The following HHLA2 variants were observed in gnomAD, a reference collection of about 807,000 sequenced individuals.
The protein encoded by HHLA2 is HERV-H LTR-associating protein 2.
In HHLA2, 48 loss-of-function variants were observed where a neutral mutation model predicts 45.9. The ratio of observed to expected loss-of-function variants is 1.05; its 90% CI spans 0.83 to 1.33. The LOEUF is 1.33. Among genes scored for constraint, HHLA2 ranks in the 40% most tolerant of loss-of-function variants. HHLA2 has a pLI of 0.00. For synonymous variants in HHLA2, 161 were observed against 173.9 expected (o/e 0.93, Z 0.59); for missense variants, 462 against 494.3 (o/e 0.93, Z 0.62).
chr3:108,296,856 C>T (rs1380782300), intron 1 of HHLA2, among the ~76,000 whole-genome samples: 1 of 152,220 alleles, frequency 6.6e-6, no homozygotes, highest in Non-Finnish European at 1.5e-5. Flanking sequence ...AAATACCTAA[C>T]ATTCTGGTAA....
At position 108,327,930 on chromosome 3, in the gene HHLA2, C is replaced by T. The variant is rs369384337; in HGVS notation, c.-104-340C>T. On this transcript the variant is annotated intron_variant, in intron 2 of 10. Transcript: ENST00000619531. ...GGTAGATCACCTGAAGTCAGGAGTTCGAGACCAGCCTGGCCAACGTGGTGA... is the reference window on the plus strand; with the variant it reads ...GGTAGATCACCTGAAGTCAGGAGTTTGAGACCAGCCTGGCCAACGTGGTGA... Among the ~76,000 whole-genome samples the T allele has an allele frequency of 1.2e-4, 19 of 152,046 alleles. No individual in the cohort carries two copies. In the South Asian group the frequency reaches 3.7e-3, roughly 30 times the overall value.
chr3:108,348,539 G>A (rs1222358539), intron 3 of HHLA2, among the ~76,000 whole-genome samples: 5 of 152,098 alleles, frequency 3.3e-5, no homozygotes, highest in Admixed American at 6.6e-5. Flanking sequence ...TTTTTCTCAT[G>A]TTTCTAAGAT....
intron 8 of HHLA2, 87 bp downstream of exon 7, chr3:108,362,533 G>A: frequency 3.5e-6 from 3 of 847,788 alleles, no homozygotes; most frequent in Non-Finnish European, 5.6e-6. Context: ...AACAGCTACT[G>A]GGCATGTAAT....
In HHLA2 at chr3:108,375,629, C is replaced by A. The variant is rs938394556; in HGVS notation, c.1109-121C>A. On this transcript the variant is annotated intron_variant, in intron 8 of 10. Coordinates refer to ENST00000619531, the Ensembl canonical transcript of HHLA2. The stretch of plus-strand genomic sequence containing the variant: ...TGAAGGAGATAGACACACGAAAAAC[C>A]CTTCAAAGAACCAGAGAGTGACTTT... 11 of 1,258,434 alleles carry A rather than the reference C, an allele frequency of 8.7e-6. No individual in the cohort carries two copies. The East Asian group carries it at 2.9e-4, about 33-fold the overall frequency. 78.0% of individuals were successfully genotyped at this position (1,258,434 alleles called of 1,614,324 possible).
intron 8 of HHLA2, among the ~76,000 whole-genome samples, chr3:108,370,854 G>T (rs1470007306): frequency 1.3e-5 from 2 of 152,344 alleles, no homozygotes; most frequent in East Asian, 3.9e-4. Flanking sequence ...CGTCTGATTG[G>T]TGTACCTGAA....
exon 11 of HHLA2, chr3:108,377,309 C>T (rs1246639598): frequency 1.3e-6 from 2 of 1,548,378 alleles, no homozygotes; most frequent in African/African-American, 1.4e-5. Context: ...CAACTCATGA[C>T]CTGCATCCTT....
chr3:108,348,972 CT>C (rs1211169399), intron 3 of HHLA2, among the ~76,000 whole-genome samples: 2 of 151,990 alleles, frequency 1.3e-5, no homozygotes, highest in Non-Finnish European at 2.9e-5. Context: ...TGAACTCATC[CT>C]TTTTTATGGC....
At chr3:108,344,398 T>G (rs1433061780) in intron 3 of HHLA2, among the ~76,000 whole-genome samples, 1 of 152,236 alleles carries the variant, frequency 6.6e-6, no homozygotes, top group Non-Finnish European at 1.5e-5. Context: ...TTTTTTCATC[T>G]TTGTTGTGAC....
rs1251783404 is a variant in HHLA2, at chr3:108,315,319, G to T, written c.-105+4578G>T. Among the ~76,000 whole-genome samples the T allele has an allele frequency of 2.0e-5, 3 of 152,122 alleles. No individual in the cohort carries two copies. In the East Asian group the frequency reaches 5.8e-4, roughly 29 times the overall value. On this transcript the variant is annotated intron_variant, in intron 2 of 10. Coordinates refer to ENST00000619531, the Ensembl canonical transcript of HHLA2. ...AGAACCCTCAGATATGACCAAGATGGATCCTGTTCCATAGAATGGGAATTA... is the reference window on the plus strand; with the variant it reads ...AGAACCCTCAGATATGACCAAGATGTATCCTGTTCCATAGAATGGGAATTA...
chr3:108,332,580 C>T (rs1013773776), intron 3 of HHLA2, among the ~76,000 whole-genome samples: 1 of 152,160 alleles, frequency 6.6e-6, no homozygotes. Flanking sequence ...TAGACTCAAA[C>T]TGGAGTGTGT....
At chr3:108,337,071 A>T (rs1021730599) in intron 3 of HHLA2, among the ~76,000 whole-genome samples, 18 of 152,092 alleles carry the variant, frequency 1.2e-4, no homozygotes, top group African/African-American at 4.3e-4. Flanking sequence ...TACTATTCAA[A>T]GTGGGGGGTC....
rs67374827 is a variant in HHLA2, at chr3:108,321,091, TAAAAAA to T, written c.-104-7163_-104-7158del. On this transcript the variant is annotated intron_variant, in intron 2 of 10. Transcript: ENST00000619531. ...TCACCAGAACATTTCTCCAGGTGTT[TAAAAAA>T]AAAAAAAAAAAAAAAGACTGTGCCA... Among the ~76,000 whole-genome samples, 289 of 101,422 alleles carry T rather than the reference TAAAAAA, an allele frequency of 2.8e-3. 9 individuals carry two copies. The highest frequency in any genetic ancestry group is 5.3e-3 in the South Asian group (14 of 2,644). The allele number at this position is 101,422 out of a possible 152,430, so 66.5% of individuals were successfully genotyped here.
At chr3:108,315,780 T>C (rs2081092225) in intron 2 of HHLA2, among the ~76,000 whole-genome samples, 1 of 152,240 alleles carries the variant, frequency 6.6e-6, no homozygotes, top group African/African-American at 2.4e-5. Flanking sequence ...TAAACTAGAA[T>C]GCTATACCTT....
intron 1 of HHLA2, among the ~76,000 whole-genome samples, chr3:108,301,075 T>G (rs2080840719): frequency 6.6e-6 from 1 of 152,146 alleles, no homozygotes; most frequent in African/African-American, 2.4e-5. Context: ...CTCTTCTAAT[T>G]TATGTCTTCT....
exon 7 of HHLA2, chr3:108,357,894 G>A (rs1384126736): frequency 1.2e-6 from 2 of 1,613,800 alleles, no homozygotes. Flanking sequence ...ATGTCAACCT[G>A]TAAATGATTA....
chr3:108,333,660 G>C (rs930242878), intron 3 of HHLA2, among the ~76,000 whole-genome samples: 4 of 150,260 alleles, frequency 2.7e-5, no homozygotes, highest in Non-Finnish European at 5.9e-5. Flanking sequence ...TCAGAGGATA[G>C]AGAGGAAAAA....
intron 8 of HHLA2, among the ~76,000 whole-genome samples, chr3:108,367,512 A>G (rs928486037): frequency 1.3e-5 from 2 of 151,970 alleles, no homozygotes; most frequent in Non-Finnish European, 2.9e-5. Flanking sequence ...GGAGAATATA[A>G]ATGACCTGAT....
intron 1 of HHLA2, among the ~76,000 whole-genome samples, chr3:108,308,889 C>T (rs1240942537): frequency 6.6e-6 from 1 of 152,042 alleles, no homozygotes; most frequent in Non-Finnish European, 1.5e-5. Flanking sequence ...ATTTGAGCTC[C>T]TTATATAGTC....
At chr3:108,351,204 C>G (rs937489796) in intron 3 of HHLA2, among the ~76,000 whole-genome samples, 17 of 152,072 alleles carry the variant, frequency 1.1e-4, no homozygotes, top group Non-Finnish European at 1.3e-4. Context: ...CTTTGTAACC[C>G]ATGAATTTAA....
Sources: gnomAD v4.1 joint callset for allele counts (sites outside exome capture counted in the v4.1 genomes callset) on GRCh38, gnomAD v4.1.1 for gene constraint, MANE v1.5 for transcripts, NCBI Gene and HGNC (gene_info 2026-07-23, HGNC 2026-07-21) for gene names.